Variants in JAZF1 observed in about 807,000 individuals in gnomAD.
The protein encoded by JAZF1 is JAZF zinc finger 1, also known as juxtaposed with another zinc finger protein 1.
Under a neutral mutation model 26.4 loss-of-function variants are expected in JAZF1, and 8 were observed. The observed-to-expected ratio is 0.30, with a 90% CI of 0.18 to 0.55. The LOEUF (loss-of-function observed/expected upper bound fraction) is 0.55, where lower values mean the gene tolerates loss of function less well. Ranked by LOEUF, JAZF1 falls within the 20% of genes least tolerant of loss-of-function variation. JAZF1 has a pLI of 0.94. For synonymous variants in JAZF1, 126 were observed against 122.3 expected (o/e 1.03, Z -0.20); for missense variants, 199 against 322.0 (o/e 0.62, Z 2.92).
At chr7:27,834,649 T>C (rs891684030) in intron 4 of JAZF1, among the ~76,000 whole-genome samples, 1 of 152,152 alleles carries the variant, frequency 6.6e-6, no homozygotes, top group Non-Finnish European at 1.5e-5. Context: ...CACTGAAATG[T>C]TAGATGGGTA....
At chr7:28,010,111 C>T (rs139777524) in intron 1 of JAZF1, among the ~76,000 whole-genome samples, 12 of 152,292 alleles carry the variant, frequency 7.9e-5, no homozygotes, top group African/African-American at 2.6e-4. Flanking sequence ...CACTCTATAC[C>T]TTTGGTTCTG....
intron 1 of JAZF1, among the ~76,000 whole-genome samples, chr7:28,069,392 G>A (rs1433856801): frequency 2.0e-5 from 3 of 152,184 alleles, no homozygotes; most frequent in African/African-American, 4.8e-5. Flanking sequence ...TTGTTCTAAG[G>A]TGACATGACA....
At chr7:28,164,877 A>G (rs138230478) in intron 1 of JAZF1, among the ~76,000 whole-genome samples, 1 of 152,326 alleles carries the variant, frequency 6.6e-6, no homozygotes, top group East Asian at 1.9e-4. Context: ...TATTTTTAAT[A>G]CAACACACTT....
At chr7:27,941,221 G>T (rs1784841677) in intron 2 of JAZF1, among the ~76,000 whole-genome samples, 1 of 152,188 alleles carries the variant, frequency 6.6e-6, no homozygotes, top group African/African-American at 2.4e-5. Flanking sequence ...TTAGGAATAA[G>T]ATTTCAAGCT....
intron 1 of JAZF1, among the ~76,000 whole-genome samples, chr7:28,158,304 G>C (rs927545531): frequency 2.6e-5 from 4 of 152,042 alleles, no homozygotes; most frequent in Non-Finnish European, 4.4e-5. Context: ...GGCAAGGAGG[G>C]GTAGCCAACG....
intron 2 of JAZF1, among the ~76,000 whole-genome samples, chr7:27,941,905 G>GT (rs1784854231): frequency 6.6e-6 from 1 of 152,066 alleles, no homozygotes; most frequent in South Asian, 2.1e-4. Flanking sequence ...AGGGGGAGGG[G>GT]ACAGGCAAGG....
chr7:27,947,700 T>C (rs1784940814), intron 2 of JAZF1, among the ~76,000 whole-genome samples: 1 of 152,226 alleles, frequency 6.6e-6, no homozygotes, highest in East Asian at 1.9e-4. Flanking sequence ...GTTATTTACA[T>C]CACTAGTGAC....
chr7:27,987,900 G>A (rs986779329), intron 2 of JAZF1, among the ~76,000 whole-genome samples: 1 of 152,176 alleles, frequency 6.6e-6, no homozygotes, highest in Non-Finnish European at 1.5e-5. Context: ...CCAACCCCAT[G>A]CTCTCTGAAA....
intron 3 of JAZF1, among the ~76,000 whole-genome samples, chr7:27,879,130 C>T (rs1011028590): frequency 1.3e-5 from 2 of 152,180 alleles, no homozygotes; most frequent in Non-Finnish European, 2.9e-5. Context: ...TGCAGTAAGA[C>T]ACGCATTTTA....
chr7:28,052,101 T>A (rs753294393), intron 1 of JAZF1, among the ~76,000 whole-genome samples: 3 of 152,254 alleles, frequency 2.0e-5, no homozygotes, highest in Non-Finnish European at 4.4e-5. Context: ...ATGTTTAATT[T>A]GCTCTGATGT....
chr7:27,978,247 G>T (rs539228096), intron 2 of JAZF1, among the ~76,000 whole-genome samples: 1 of 152,300 alleles, frequency 6.6e-6, no homozygotes, highest in East Asian at 1.9e-4. Context: ...TCTGGGGGCA[G>T]AGACAGGATT....
At chr7:28,056,470 AC>A (rs72287005) in intron 1 of JAZF1, among the ~76,000 whole-genome samples, 19,744 of 142,548 alleles carry the variant, frequency 0.14, 1,522 homozygotes, top group Middle Eastern at 0.18. Flanking sequence ...ACACACACAC[AC>A]ACACAATAAG....
intron 1 of JAZF1, among the ~76,000 whole-genome samples, chr7:28,099,334 C>T (rs1784432545): frequency 6.6e-6 from 1 of 151,454 alleles, no homozygotes. Flanking sequence ...TGTCTGTTCA[C>T]AACTTCCAGC....
intron 2 of JAZF1, among the ~76,000 whole-genome samples, chr7:27,949,672 A>T (rs887325922): frequency 6.6e-6 from 1 of 152,238 alleles, no homozygotes; most frequent in Non-Finnish European, 1.5e-5. Flanking sequence ...CTGAGGCATA[A>T]GAATTGCTTG....
chr7:28,046,035 A>G (rs1783490870), intron 1 of JAZF1, among the ~76,000 whole-genome samples: 2 of 152,198 alleles, frequency 1.3e-5, no homozygotes, highest in African/African-American at 4.8e-5. Context: ...ACACCTCCCT[A>G]GGTTAATTAC....
At chr7:28,004,479 C>T (rs1437609050) in intron 1 of JAZF1, among the ~76,000 whole-genome samples, 1 of 151,960 alleles carries the variant, frequency 6.6e-6, no homozygotes, top group Non-Finnish European at 1.5e-5. Flanking sequence ...ATTACTATTA[C>T]AGACTCTGAG....
At chr7:27,940,324 C>A (rs1023513723) in intron 2 of JAZF1, among the ~76,000 whole-genome samples, 1 of 152,128 alleles carries the variant, frequency 6.6e-6, no homozygotes, top group African/African-American at 2.4e-5. Flanking sequence ...CGCCACCCCC[C>A]GTGATCAGCC....
chr7:28,096,792 T>C (rs1784394182), intron 1 of JAZF1, among the ~76,000 whole-genome samples: 1 of 152,200 alleles, frequency 6.6e-6, no homozygotes, highest in Non-Finnish European at 1.5e-5. Context: ...CGTGGGAAGC[T>C]GACTGCAAAT....
chr7:28,163,079 C>T lies in JAZF1; in HGVS notation c.115+17384G>A, dbSNP rs140552271. Among the ~76,000 whole-genome samples, 479 of 152,318 alleles carry T rather than the reference C, an allele frequency of 3.1e-3. 2 individuals carry two copies. The highest frequency in any genetic ancestry group is 0.011 in the African/African-American group (459 of 41,566). On this transcript the variant is annotated intron_variant, in intron 1 of 4. Transcript: ENST00000283928. ...TGGAATAACAATAATAGAATGCTGC[C>T]TGTTGTGCTTGTTATACCAGATAAT...
Sources: gnomAD v4.1 joint callset for allele counts (sites outside exome capture counted in the v4.1 genomes callset) on GRCh38, gnomAD v4.1.1 for gene constraint, MANE v1.5 for transcripts, NCBI Gene and HGNC (gene_info 2026-07-23, HGNC 2026-07-21) for gene names.